The following CARMIL1 variants were observed in gnomAD, a reference collection of about 807,000 sequenced individuals.
CARMIL1 encodes F-actin-uncapping protein LRRC16A.
A neutral mutation model predicts 177.1 loss-of-function variants in CARMIL1; 90 were observed. That is an observed-to-expected ratio of 0.51 (90% confidence interval 0.43 to 0.61). CARMIL1 has a LOEUF of 0.61. Ranked by LOEUF, CARMIL1 falls within the 20% of genes least tolerant of loss-of-function variation. CARMIL1 has a pLI of 0.00. For missense variants in CARMIL1, 1,380 were observed against 1,667.0 expected (o/e 0.83, Z 3.00); for synonymous variants, 577 against 606.2 (o/e 0.95, Z 0.71).
intron 2 of CARMIL1, among the ~76,000 whole-genome samples, chr6:25,377,184 T>G (rs1174171000): frequency 6.6e-6 from 1 of 152,188 alleles, no homozygotes. Flanking sequence ...GCCTCAGCTA[T>G]GTCGATAGTG....
chr6:25,440,061 C>G (rs925579241), intron 5 of CARMIL1, among the ~76,000 whole-genome samples: 1 of 152,174 alleles, frequency 6.6e-6, no homozygotes. Flanking sequence ...TAGTTCTTGG[C>G]ACATAGTAGG....
intron 12 of CARMIL1, 37 bp from the exon 13 acceptor site, chr6:25,488,445 G>A (rs1360822799): frequency 2.1e-6 from 3 of 1,460,836 alleles, no homozygotes; most frequent in Middle Eastern, 1.7e-4. Context: ...TTGTTTCCTG[G>A]AGTGCAAACT....
intron 2 of CARMIL1, among the ~76,000 whole-genome samples, chr6:25,303,613 A>G (rs1282400350): frequency 2.0e-5 from 3 of 152,246 alleles, no homozygotes; most frequent in African/African-American, 4.8e-5. Context: ...GTTCCAGGGA[A>G]CTTGGAGAAA....
intron 2 of CARMIL1, among the ~76,000 whole-genome samples, chr6:25,369,321 C>T (rs1283560961): frequency 6.6e-6 from 1 of 151,856 alleles, no homozygotes; most frequent in Non-Finnish European, 1.5e-5. Context: ...TAGTTTAATT[C>T]TCAACCCATT....
At chr6:25,555,650 G>T (rs1374035406) in intron 28 of CARMIL1, among the ~76,000 whole-genome samples, 2 of 152,130 alleles carry the variant, frequency 1.3e-5, no homozygotes, top group African/African-American at 2.4e-5. Context: ...ACCTGCCTCA[G>T]CCTCCCAAAG....
At chr6:25,426,399 TTCTAG>T in intron 3 of CARMIL1, 97 bp from the exon 4 acceptor site, 1 of 886,104 alleles carries the variant, frequency 1.1e-6, no homozygotes, top group Non-Finnish European at 1.7e-6. Context: ...CTTGGGCTGT[TTCTAG>T]TTGTAGGATT....
intron 31 of CARMIL1, among the ~76,000 whole-genome samples, chr6:25,585,896 A>T (rs1237865001): frequency 6.6e-6 from 1 of 152,216 alleles, no homozygotes; most frequent in Non-Finnish European, 1.5e-5. Context: ...ATCCCAAGGC[A>T]GAAGAATTTT....
At chr6:25,539,088 A>T (rs1276364772) in intron 25 of CARMIL1, among the ~76,000 whole-genome samples, 2 of 152,068 alleles carry the variant, frequency 1.3e-5, no homozygotes, top group Non-Finnish European at 2.9e-5. Context: ...TATCTTTTAT[A>T]ATAAACCAGT....
intron 2 of CARMIL1, among the ~76,000 whole-genome samples, chr6:25,358,712 A>G (rs374267346): frequency 6.6e-6 from 1 of 152,194 alleles, no homozygotes; most frequent in African/African-American, 2.4e-5. Context: ...ATTTTATTAT[A>G]AAGAAGTGAT....
At chr6:25,339,423 A>G (rs1401538404) in intron 2 of CARMIL1, among the ~76,000 whole-genome samples, 8 of 152,198 alleles carry the variant, frequency 5.3e-5, no homozygotes, top group Non-Finnish European at 1.2e-4. Context: ...GCACAGGGGA[A>G]GGACATCTTT....
chr6:25,488,990 C>T (rs770599924), intron 13 of CARMIL1, among the ~76,000 whole-genome samples: 52 of 152,070 alleles, frequency 3.4e-4, no homozygotes, highest in Admixed American at 8.5e-4. Flanking sequence ...CATGGTGAAA[C>T]CCCATCTCTA....
chr6:25,411,220 C>T (rs528288549), intron 2 of CARMIL1, among the ~76,000 whole-genome samples: 80 of 152,286 alleles, frequency 5.3e-4, no homozygotes, highest in African/African-American at 1.7e-3. Flanking sequence ...CTGCTGTCTG[C>T]TCACCCAATA....
At chr6:25,322,965 A>G (rs1453918008) in intron 2 of CARMIL1, among the ~76,000 whole-genome samples, 1 of 152,144 alleles carries the variant, frequency 6.6e-6, no homozygotes, top group East Asian at 1.9e-4. Flanking sequence ...GTCCATTTGT[A>G]TTAGGGAAGA....
chr6:25,328,925 C>G (rs1232013944), intron 2 of CARMIL1, among the ~76,000 whole-genome samples: 1 of 152,024 alleles, frequency 6.6e-6, no homozygotes, highest in African/African-American at 2.4e-5. Flanking sequence ...TTCCTGAGTC[C>G]AGGACATCAA....
rs1791619757 is a variant in CARMIL1, at chr6:25,382,215, A to T, written c.139-37899A>T. On this transcript the variant is annotated intron_variant, in intron 2 of 36. Coordinates refer to ENST00000329474, the MANE Select transcript of CARMIL1 (RefSeq NM_017640.6). ...CTGGTTAAAGCGATTCTCATGCCTC[A>T]GTCTCCTGAGTAGCTGGGATTACAG... Among the ~76,000 whole-genome samples the T allele has an allele frequency of 1.3e-5, 2 of 152,140 alleles. 1 individual carries two copies. Among genetic ancestry groups the T allele is most frequent in the South Asian group, 4.2e-4 (2 of 4,818 alleles).
intron 31 of CARMIL1, among the ~76,000 whole-genome samples, chr6:25,584,691 G>T (rs547747220): frequency 2.6e-5 from 4 of 152,144 alleles, no homozygotes; most frequent in Non-Finnish European, 5.9e-5. Flanking sequence ...ACTTAGCAAG[G>T]CCTGTTTGTT....
chr6:25,449,873 T>G (rs547506426), intron 5 of CARMIL1, 25 bp from the exon 6 acceptor site: 1 of 1,421,306 alleles, frequency 7.0e-7, no homozygotes, highest in African/African-American at 1.4e-5. Flanking sequence ...GTTTGTGAAA[T>G]GTGTTGTTGT....
At chr6:25,586,666 T>C (rs1345513007) in intron 31 of CARMIL1, among the ~76,000 whole-genome samples, 5 of 151,978 alleles carry the variant, frequency 3.3e-5, no homozygotes, top group African/African-American at 9.7e-5. Flanking sequence ...CTGGGCAACA[T>C]TGAGCATTGA....
At chr6:25,471,471 T>C (rs1318647862) in intron 10 of CARMIL1, among the ~76,000 whole-genome samples, 1 of 152,174 alleles carries the variant, frequency 6.6e-6, no homozygotes, top group Non-Finnish European at 1.5e-5. Flanking sequence ...TTGATATTTT[T>C]GAGAGTACAT....
Sources: gnomAD v4.1 joint callset for allele counts (sites outside exome capture counted in the v4.1 genomes callset) on GRCh38, gnomAD v4.1.1 for gene constraint, MANE v1.5 for transcripts, NCBI Gene and HGNC (gene_info 2026-07-23, HGNC 2026-07-21) for gene names.